FNIP1: variants seen among roughly 807,000 people sequenced by gnomAD.
FNIP1 encodes the protein folliculin interacting protein 1.
FNIP1 carries 40 observed loss-of-function variants against 124.5 expected under a neutral mutation model. That is an observed-to-expected ratio of 0.32 (90% CI 0.25 to 0.42). FNIP1 has a LOEUF of 0.42. Among genes scored for constraint, FNIP1 ranks in the 10% least tolerant of loss-of-function variants. The pLI, the probability that FNIP1 is intolerant of heterozygous loss-of-function variation, is 1.00. For missense variants in FNIP1, 1,176 were observed against 1,403.7 expected (o/e 0.84, Z 2.59); for synonymous variants, 472 against 470.6 (o/e 1.00, Z -0.04).
At chr5:131,650,370 T>C (rs1042132199) in intron 16 of FNIP1, among the ~76,000 whole-genome samples, 3 of 152,218 alleles carry the variant, frequency 2.0e-5, no homozygotes, top group Non-Finnish European at 2.9e-5. Flanking sequence ...TTATTCTTTT[T>C]GGTGCTATTG....
intron 1 of FNIP1, among the ~76,000 whole-genome samples, chr5:131,756,272 A>AT (rs1473947257): frequency 1.3e-5 from 2 of 152,160 alleles, no homozygotes; most frequent in African/African-American, 2.4e-5. Context: ...GTGTGACCAT[A>AT]TAACCAACCA....
At chr5:131,775,235 G>C (rs1009386442) in intron 1 of FNIP1, among the ~76,000 whole-genome samples, 5 of 152,040 alleles carry the variant, frequency 3.3e-5, no homozygotes, top group Admixed American at 3.3e-4. Flanking sequence ...AATACCAACT[G>C]GTACTAGAAG....
Position 131,651,408 on chromosome 5 carries a change from C to A in FNIP1, c.3306+394G>T, listed in dbSNP as rs539460610. On this transcript the variant is annotated intron_variant, in intron 16 of 17. Coordinates refer to ENST00000510461, the MANE Select transcript of FNIP1 (RefSeq NM_133372.3). ...GACACTGTCTCAAACAAACAAAAAA[C>A]CCCAGATATTTATTTTCTCACAGTT... is the stretch of plus-strand genomic sequence containing the variant. Among the ~76,000 whole-genome samples, 5 of 152,290 alleles carry A rather than the reference C, an allele frequency of 3.3e-5. No homozygotes were observed. The East Asian group carries it at 5.8e-4, about 18-fold the overall frequency.
intron 3 of FNIP1, among the ~76,000 whole-genome samples, chr5:131,721,228 A>G (rs1445790983): frequency 6.6e-6 from 1 of 152,214 alleles, no homozygotes; most frequent in East Asian, 1.9e-4. Context: ...AGCCAGTCAC[A>G]AAGAGATAAA....
chr5:131,681,214 T>C (rs997703359), intron 11 of FNIP1, among the ~76,000 whole-genome samples: 3 of 152,180 alleles, frequency 2.0e-5, no homozygotes, highest in African/African-American at 7.2e-5. Flanking sequence ...GTATATCTTG[T>C]AGTGTTAAAT....
At chr5:131,743,585 C>T (rs1338327517) in intron 2 of FNIP1, among the ~76,000 whole-genome samples, 1 of 152,044 alleles carries the variant, frequency 6.6e-6, no homozygotes, top group East Asian at 1.9e-4. Flanking sequence ...GTGTGTCTCT[C>T]CTCAAAATTT....
intron 1 of FNIP1, among the ~76,000 whole-genome samples, chr5:131,779,337 A>T (rs1771917478): frequency 6.6e-6 from 1 of 152,052 alleles, no homozygotes; most frequent in Non-Finnish European, 1.5e-5. Flanking sequence ...TCATTTTTAG[A>T]TCTATTAGTA....
At chr5:131,662,464 T>C (rs554036153) in intron 15 of FNIP1, among the ~76,000 whole-genome samples, 25 of 152,314 alleles carry the variant, frequency 1.6e-4, no homozygotes, top group Non-Finnish European at 2.6e-4. Context: ...TCTTGAGCAG[T>C]TGAAGTCCTT....
intron 11 of FNIP1, among the ~76,000 whole-genome samples, chr5:131,690,611 C>A (rs1462790341): frequency 1.3e-5 from 2 of 152,152 alleles, no homozygotes; most frequent in Non-Finnish European, 2.9e-5. Context: ...TTTCCTGAGG[C>A]CTCCACAGCC....
intron 1 of FNIP1, among the ~76,000 whole-genome samples, chr5:131,785,477 C>T (rs1772174992): frequency 1.3e-5 from 2 of 151,918 alleles, no homozygotes; most frequent in South Asian, 2.1e-4. Context: ...ATCACTTGAA[C>T]CCGGGAGGCG....
chr5:131,711,927 C>T (rs570302331), intron 6 of FNIP1, among the ~76,000 whole-genome samples: 3 of 152,294 alleles, frequency 2.0e-5, no homozygotes, highest in South Asian at 4.1e-4. Flanking sequence ...TTCTTTCCCT[C>T]GTTACTTTAA....
At chr5:131,773,572 G>C (rs1238409113) in intron 1 of FNIP1, among the ~76,000 whole-genome samples, 1 of 152,206 alleles carries the variant, frequency 6.6e-6, no homozygotes, top group Admixed American at 6.5e-5. Flanking sequence ...AGGAATCATA[G>C]ATAGTTTCAT....
At chr5:131,720,038 A>G (rs564611312) in intron 3 of FNIP1, among the ~76,000 whole-genome samples, 1 of 152,336 alleles carries the variant, frequency 6.6e-6, no homozygotes, top group South Asian at 2.1e-4. Context: ...AAGAAGCAGC[A>G]GCCAAATCAA....
At chr5:131,670,737 G>T in intron 14 of FNIP1, 106 bp from the exon 15 acceptor site, 1 of 751,010 alleles carries the variant, frequency 1.3e-6, no homozygotes. Flanking sequence ...ACACTAGTCT[G>T]TATTAAAATC....
chr5:131,762,046 T>C (rs1204792027), intron 1 of FNIP1, among the ~76,000 whole-genome samples: 2 of 152,152 alleles, frequency 1.3e-5, no homozygotes, highest in Admixed American at 1.3e-4. Flanking sequence ...GAAAATTGGA[T>C]ATCCATATGC....
intron 11 of FNIP1, among the ~76,000 whole-genome samples, chr5:131,694,534 A>G (rs1768623314): frequency 6.6e-6 from 1 of 152,190 alleles, no homozygotes; most frequent in African/African-American, 2.4e-5. Flanking sequence ...AACATTCTGG[A>G]ATTGATAAAA....
rs192098306 is a variant in FNIP1, at chr5:131,780,892, A to C, written c.92+15938T>G. Among the ~76,000 whole-genome samples the C allele has an allele frequency of 1.7e-3, 263 of 152,348 alleles. 1 individual carries two copies. The highest frequency in any genetic ancestry group is 0.014 in the Middle Eastern group (4 of 294). ...GAAAGAGTTGCACATCTCTCACTGTAAATCAAAAGCTAGAAATGATCAAGC... is the reference window on the plus strand; with the variant it reads ...GAAAGAGTTGCACATCTCTCACTGTCAATCAAAAGCTAGAAATGATCAAGC... On this transcript the variant is annotated intron_variant, in intron 1 of 17. Coordinates refer to ENST00000510461, the MANE Select transcript of FNIP1 (RefSeq NM_133372.3).
chr5:131,651,422 T>C (rs1767036035), intron 16 of FNIP1, among the ~76,000 whole-genome samples: 1 of 152,188 alleles, frequency 6.6e-6, no homozygotes, highest in Non-Finnish European at 1.5e-5. Context: ...AGATATTTAT[T>C]TTCTCACAGT....
Position 131,644,202 on chromosome 5 carries a change from T to G in FNIP1, c.*483A>C, listed in dbSNP as rs1766801256. The G allele has an allele frequency of 6.6e-6, 1 of 152,538 alleles. No individual in the cohort carries two copies. Among genetic ancestry groups the G allele is most frequent in the East Asian group, 1.9e-4 (1 of 5,344 alleles). 9.4% of individuals were successfully genotyped at this position (152,538 alleles called of 1,614,324 possible). ...AACAGGCTGTTTAAAATACTTACTTTGAGAAATAACCAGACATTAGCTGTT... is the reference window on the plus strand; with the variant it reads ...AACAGGCTGTTTAAAATACTTACTTGGAGAAATAACCAGACATTAGCTGTT... On this transcript the variant is annotated 3_prime_UTR_variant, in exon 18 of 18. Transcript: ENST00000510461.
Sources: allele counts gnomAD v4.1 joint callset (sites outside exome capture counted in the v4.1 genomes callset), GRCh38; gene constraint gnomAD v4.1.1; transcripts MANE v1.5; gene names NCBI Gene and HGNC (gene_info 2026-07-23, HGNC 2026-07-21).